The following BANK1 variants were observed in gnomAD, a reference collection of about 807,000 sequenced individuals.
BANK1 encodes B-cell scaffold protein with ankyrin repeats.
BANK1 carries 95 observed loss-of-function variants against 94.5 expected under a neutral mutation model. The observed-to-expected ratio is 1.00, with a 90% CI of 0.85 to 1.19. BANK1 has a LOEUF of 1.19. BANK1 is among the 50% of genes most tolerant of loss of function. The pLI is 0.00. For missense variants in BANK1, 987 were observed against 932.2 expected (o/e 1.06, Z -0.77); for synonymous variants, 334 against 308.4 (o/e 1.08, Z -0.87).
At chr4:101,828,723 A>G (rs1379392923) in intron 1 of BANK1, among the ~76,000 whole-genome samples, 1 of 152,118 alleles carries the variant, frequency 6.6e-6, no homozygotes, top group Non-Finnish European at 1.5e-5. Flanking sequence ...CTTATAATTC[A>G]TCTGGCCTTG....
At chr4:102,037,913 C>G (rs1399299406) in intron 10 of BANK1, among the ~76,000 whole-genome samples, 1 of 152,148 alleles carries the variant, frequency 6.6e-6, no homozygotes, top group Non-Finnish European at 1.5e-5. Flanking sequence ...TTTGCTTCTT[C>G]CCTTTTGCAT....
chr4:101,827,181 T>TCA (rs1397620968), intron 1 of BANK1, among the ~76,000 whole-genome samples: 25 of 151,902 alleles, frequency 1.6e-4, no homozygotes, highest in Non-Finnish European at 2.7e-4. Context: ...GTCCTCTCTC[T>TCA]CACATAAACA....
At chr4:101,950,870 A>C (rs2148914507) in intron 7 of BANK1, among the ~76,000 whole-genome samples, 1 of 152,264 alleles carries the variant, frequency 6.6e-6, no homozygotes, top group South Asian at 2.1e-4. Context: ...TTCCGCCCCA[A>C]AACTCATAAC....
chr4:101,830,828 A>G (rs1046680891), intron 2 of BANK1, among the ~76,000 whole-genome samples: 2 of 151,890 alleles, frequency 1.3e-5, no homozygotes, highest in African/African-American at 4.8e-5. Flanking sequence ...TTTGCTCTCA[A>G]CTCCCAGTCT....
chr4:101,906,529 A>G (rs983759445), intron 6 of BANK1, among the ~76,000 whole-genome samples: 1 of 152,008 alleles, frequency 6.6e-6, no homozygotes, highest in African/African-American at 2.4e-5. Flanking sequence ...TTCAAATAAT[A>G]AGGAGGGGGT....
chr4:101,938,353 A>G (rs1723642006), intron 7 of BANK1, among the ~76,000 whole-genome samples: 2 of 151,698 alleles, frequency 1.3e-5, no homozygotes, highest in African/African-American at 4.8e-5. Context: ...AAAAAGATAT[A>G]GTTAAACAAA....
At chr4:101,911,850 T>C (rs1379929881) in intron 6 of BANK1, among the ~76,000 whole-genome samples, 4 of 152,220 alleles carry the variant, frequency 2.6e-5, no homozygotes, top group African/African-American at 7.2e-5. Flanking sequence ...CCAAGGCACA[T>C]ATGTTTGTCT....
At chr4:101,880,215 A>G (rs952938062) in intron 5 of BANK1, among the ~76,000 whole-genome samples, 5 of 152,130 alleles carry the variant, frequency 3.3e-5, no homozygotes, top group Non-Finnish European at 7.4e-5. Flanking sequence ...AAAAACTATT[A>G]GAACTGATAA....
intron 6 of BANK1, among the ~76,000 whole-genome samples, chr4:101,917,428 AGTT>A (rs1434619857): frequency 5.9e-5 from 9 of 152,016 alleles, no homozygotes; most frequent in Admixed American, 1.3e-4. Flanking sequence ...TTGATAAAAA[AGTT>A]GTAAAATCCA....
chr4:102,060,160 A>G, intron 11 of BANK1, 51 bp from the exon 12 acceptor site: 1 of 1,456,522 alleles, frequency 6.9e-7, no homozygotes, highest in Non-Finnish European at 9.1e-7. Flanking sequence ...TTTTGTTCCC[A>G]GTTGTCTACA....
At chr4:101,993,182 G>A (rs1313324912) in intron 7 of BANK1, among the ~76,000 whole-genome samples, 1 of 152,150 alleles carries the variant, frequency 6.6e-6, no homozygotes, top group South Asian at 2.1e-4. Context: ...CTAAGTGAGT[G>A]GCTGTAAGTA....
rs117316834 is a variant in BANK1, at chr4:101,947,406, A to G, written c.1206+29217A>G. ...AATTGATCAGTGTATGAAACCTGGGATGCCCATGAGTCTAGAAACTCTCAT... is the reference window on the plus strand; with the variant it reads ...AATTGATCAGTGTATGAAACCTGGGGTGCCCATGAGTCTAGAAACTCTCAT... On this transcript the variant is annotated intron_variant, in intron 7 of 16. Transcript: ENST00000322953. Among the ~76,000 whole-genome samples, 841 of 150,270 alleles carry G rather than the reference A, an allele frequency of 5.6e-3. 14 individuals are homozygous for G. In the East Asian group the frequency reaches 0.057, roughly 10 times the overall value.
At chr4:102,010,485 CG>C (rs1234984133) in intron 7 of BANK1, among the ~76,000 whole-genome samples, 9 of 150,828 alleles carry the variant, frequency 6.0e-5, no homozygotes, top group Non-Finnish European at 1.3e-4. Context: ...TTCCGCCTCC[CG>C]GGTTCCAGCA....
At chr4:102,018,514 T>C (rs1376055584) in intron 7 of BANK1, among the ~76,000 whole-genome samples, 1 of 152,230 alleles carries the variant, frequency 6.6e-6, no homozygotes, top group South Asian at 2.1e-4. Context: ...CAGGACCAGA[T>C]GTCAAAGCCA....
intron 4 of BANK1, among the ~76,000 whole-genome samples, chr4:101,869,841 T>C (rs901824527): frequency 2.6e-5 from 4 of 151,998 alleles, no homozygotes; most frequent in African/African-American, 7.2e-5. Flanking sequence ...TTATTGATAT[T>C]CTTTCATAGA....
intron 11 of BANK1, among the ~76,000 whole-genome samples, chr4:102,054,871 G>A (rs2148961153): frequency 6.6e-6 from 1 of 152,156 alleles, no homozygotes; most frequent in African/African-American, 2.4e-5. Flanking sequence ...TATAGAGTGA[G>A]TGTCTTTACC....
intron 13 of BANK1, among the ~76,000 whole-genome samples, chr4:102,064,428 T>TAACA (rs200637443): frequency 2.6e-5 from 4 of 152,204 alleles, no homozygotes; most frequent in Middle Eastern, 3.2e-3. Flanking sequence ...ATTAAAAAGC[T>TAACA]AACATTTATT....
intron 1 of BANK1, among the ~76,000 whole-genome samples, chr4:101,817,086 G>A (rs566943508): frequency 6.6e-6 from 1 of 152,178 alleles, no homozygotes; most frequent in African/African-American, 2.4e-5. Context: ...CTCAAAACTG[G>A]TATTGTTACT....
intron 2 of BANK1, among the ~76,000 whole-genome samples, chr4:101,841,511 G>A (rs899335348): frequency 6.6e-6 from 1 of 151,740 alleles, no homozygotes; most frequent in Admixed American, 6.6e-5. Context: ...CTATTCCATG[G>A]GAAATGAAAA....
Sources: allele counts gnomAD v4.1 joint callset (sites outside exome capture counted in the v4.1 genomes callset), GRCh38; gene constraint gnomAD v4.1.1; transcripts MANE v1.5; gene names NCBI Gene and HGNC (gene_info 2026-07-23, HGNC 2026-07-21).